LRMDA: variants seen among roughly 807,000 people sequenced by gnomAD.
The protein encoded by LRMDA is leucine-rich melanocyte differentiation-associated protein.
In LRMDA, 18 loss-of-function variants were observed where a neutral mutation model predicts 29.8. The ratio of observed to expected loss-of-function variants is 0.60; its 90% CI spans 0.42 to 0.90. The LOEUF is 0.90. LRMDA is among the 40% of genes least tolerant of loss of function. The probability of loss-of-function intolerance (pLI) is 0.00; values close to 1 mark genes in which losing one functional copy is unlikely to be tolerated. For synonymous variants in LRMDA, 125 were observed against 109.4 expected (o/e 1.14, Z -0.89); for missense variants, 273 against 273.9 (o/e 1.00, Z 0.02).
At chr10:76,340,719 A>C (rs1308310519) in intron 6 of LRMDA, among the ~76,000 whole-genome samples, 2 of 152,060 alleles carry the variant, frequency 1.3e-5, no homozygotes, top group Non-Finnish European at 2.9e-5. Flanking sequence ...CAAGCAGAGA[A>C]GGACTATTCT....
chr10:76,247,374 A>G (rs1852395420), intron 5 of LRMDA, among the ~76,000 whole-genome samples: 1 of 152,302 alleles, frequency 6.6e-6, no homozygotes, highest in East Asian at 1.9e-4. Flanking sequence ...TAGTCTGGCT[A>G]TTAACCATGA....
intron 5 of LRMDA, among the ~76,000 whole-genome samples, chr10:76,219,421 T>C (rs1393172744): frequency 6.6e-6 from 1 of 151,800 alleles, no homozygotes; most frequent in African/African-American, 2.4e-5. Flanking sequence ...TGGAGGAAGA[T>C]CTACCAAGCA....
At chr10:75,658,973 C>A (rs529910314) in intron 2 of LRMDA, among the ~76,000 whole-genome samples, 1 of 152,158 alleles carries the variant, frequency 6.6e-6, no homozygotes, top group Non-Finnish European at 1.5e-5. Context: ...ATCATTTGGG[C>A]TCCAAATTCT....
At chr10:75,515,414 C>T (rs1446724827) in intron 2 of LRMDA, among the ~76,000 whole-genome samples, 1 of 152,086 alleles carries the variant, frequency 6.6e-6, no homozygotes, top group Non-Finnish European at 1.5e-5. Flanking sequence ...ACTCTGTCAC[C>T]CAGGCAGGAA....
chr10:76,234,980 CTGTT>C (rs1454958553), intron 5 of LRMDA, among the ~76,000 whole-genome samples: 2 of 152,230 alleles, frequency 1.3e-5, no homozygotes, highest in Non-Finnish European at 2.9e-5. Flanking sequence ...TTTGCATTCA[CTGTT>C]TGGCTAATCG....
At chr10:76,085,405 T>G (rs1474160176) in intron 5 of LRMDA, among the ~76,000 whole-genome samples, 1 of 152,130 alleles carries the variant, frequency 6.6e-6, no homozygotes, top group Non-Finnish European at 1.5e-5. Flanking sequence ...CAACAGAAAT[T>G]GGTAATGCAA....
At chr10:75,512,882 C>T (rs1241154615) in intron 2 of LRMDA, among the ~76,000 whole-genome samples, 1 of 151,982 alleles carries the variant, frequency 6.6e-6, no homozygotes, top group Non-Finnish European at 1.5e-5. Context: ...TTGAATTTAC[C>T]CTACTTGTTA....
chr10:75,889,063 G>A (rs896821929), intron 2 of LRMDA, among the ~76,000 whole-genome samples: 2 of 152,304 alleles, frequency 1.3e-5, no homozygotes, highest in Non-Finnish European at 2.9e-5. Flanking sequence ...CCAGAAAAGA[G>A]TGAGCTATAT....
chr10:75,669,515 T>C (rs1336045089), intron 2 of LRMDA, among the ~76,000 whole-genome samples: 1 of 152,218 alleles, frequency 6.6e-6, no homozygotes, highest in East Asian at 1.9e-4. Flanking sequence ...TAAAGCCAAA[T>C]TATTTTGTGA....
chr10:76,383,753 A>G (rs1458392802), intron 6 of LRMDA, among the ~76,000 whole-genome samples: 2 of 151,990 alleles, frequency 1.3e-5, no homozygotes, highest in Non-Finnish European at 2.9e-5. Flanking sequence ...TCTACATAGA[A>G]CTATCCACCC....
intron 6 of LRMDA, among the ~76,000 whole-genome samples, chr10:76,525,022 G>T (rs1843160320): frequency 6.6e-6 from 1 of 152,112 alleles, no homozygotes; most frequent in Non-Finnish European, 1.5e-5. Flanking sequence ...ATTGTCTCAG[G>T]TCCTCTTCAG....
chr10:75,765,059 A>G (rs796081919), intron 2 of LRMDA, among the ~76,000 whole-genome samples: 1 of 152,142 alleles, frequency 6.6e-6, no homozygotes, highest in South Asian at 2.1e-4. Context: ...GAGTGGAAAC[A>G]GACATGACTA....
chr10:76,282,686 C>A (rs536985566), intron 5 of LRMDA, among the ~76,000 whole-genome samples: 71 of 152,308 alleles, frequency 4.7e-4, no homozygotes, highest in African/African-American at 1.7e-3. Flanking sequence ...TTTAAGACAG[C>A]TACTTTTTAT....
At chr10:76,486,265 GT>G (rs894468008) in intron 6 of LRMDA, among the ~76,000 whole-genome samples, 2 of 151,866 alleles carry the variant, frequency 1.3e-5, no homozygotes, top group Non-Finnish European at 2.9e-5. Context: ...TCTGTAGGTG[GT>G]AATTCCAATG....
chr10:76,451,417 G>A (rs1427867427), intron 6 of LRMDA, among the ~76,000 whole-genome samples: 1 of 152,076 alleles, frequency 6.6e-6, no homozygotes, highest in Non-Finnish European at 1.5e-5. Context: ...GTGTTTGCCA[G>A]GATGGGCTTG....
Position 75,953,533 on chromosome 10 carries a change from A to G in LRMDA, c.132-82475A>G, listed in dbSNP as rs149322588. On this transcript the variant is annotated intron_variant, in intron 2 of 6. Coordinates refer to ENST00000611255, the MANE Select transcript of LRMDA (RefSeq NM_001305581.2). ...TAGTAATTTAGTTCCTGAAGGGTCT[A>G]TGTGCCCAAATGAAATTGGAAGTAG... 9.8e-5 allele frequency among the ~76,000 whole-genome samples: 15 copies of G among 152,332 alleles called. No homozygotes were observed. In the South Asian group the frequency reaches 1.0e-3, roughly 11 times the overall value.
At chr10:75,609,143 T>C (rs1422796364) in intron 2 of LRMDA, among the ~76,000 whole-genome samples, 1 of 152,126 alleles carries the variant, frequency 6.6e-6, no homozygotes. Flanking sequence ...CAGCACTCTC[T>C]AGGTTGGGAG....
chr10:76,472,906 C>T (rs1842632272), intron 6 of LRMDA, among the ~76,000 whole-genome samples: 1 of 151,114 alleles, frequency 6.6e-6, no homozygotes, highest in African/African-American at 2.4e-5. Flanking sequence ...AAAAAAAGAC[C>T]CCGGGCCCAG....
chr10:75,517,401 G>C lies in LRMDA; in HGVS notation c.131+78907G>C, dbSNP rs181390531. Reference sequence around the variant, plus strand: ...TGAGCAGTGGTTTGTAGTTCTGCTTGAAGAGGTCCTTCACATCTCTTGTAA... The same window carrying C: ...TGAGCAGTGGTTTGTAGTTCTGCTTCAAGAGGTCCTTCACATCTCTTGTAA... On this transcript the variant is annotated intron_variant, in intron 2 of 6. Coordinates refer to ENST00000611255, the MANE Select transcript of LRMDA (RefSeq NM_001305581.2). Among the ~76,000 whole-genome samples the C allele has an allele frequency of 2.9e-3, 447 of 152,216 alleles. 4 individuals carry two copies. The highest frequency in any genetic ancestry group is 0.01 in the African/African-American group (420 of 41,538).
Sources: allele counts gnomAD v4.1 joint callset (sites outside exome capture counted in the v4.1 genomes callset), GRCh38; gene constraint gnomAD v4.1.1; transcripts MANE v1.5; gene names NCBI Gene and HGNC (gene_info 2026-07-23, HGNC 2026-07-21).